Variants in SBF2 observed in about 807,000 individuals in gnomAD.
SBF2 encodes SET binding factor 2.
A neutral mutation model predicts 225.2 loss-of-function variants in SBF2; 112 were observed. The observed-to-expected ratio is 0.50, with a 90% CI of 0.43 to 0.58. SBF2 has a LOEUF of 0.58. Ranked by LOEUF, SBF2 falls within the 20% of genes least tolerant of loss-of-function variation. The probability of loss-of-function intolerance (pLI) is 0.00; values close to 1 mark genes in which losing one functional copy is unlikely to be tolerated. For synonymous variants in SBF2, 763 were observed against 773.3 expected (o/e 0.99, Z 0.22); for missense variants, 1,996 against 2,206.2 (o/e 0.90, Z 1.91).
rs1857357992 is a variant in SBF2, at chr11:9,856,842, C to T, written c.2101-122G>A. 13 of 1,010,366 alleles carry T rather than the reference C, an allele frequency of 1.3e-5. No homozygotes were observed. The Admixed American group carries it at 2.1e-4, about 16-fold the overall frequency. The allele number at this position is 1,010,366 out of a possible 1,614,324, so 62.6% of individuals were successfully genotyped here. ...TCGCTCTGTCACCCAGGCTGGAGTG[C>T]AGTGGCACGATCTTGGCTCACTGCA... is the stretch of plus-strand genomic sequence containing the variant. On this transcript the variant is annotated intron_variant, in intron 18 of 39. Transcript: ENST00000256190.
chr11:10,263,892 A>G (rs1479206326), intron 1 of SBF2, among the ~76,000 whole-genome samples: 1 of 152,254 alleles, frequency 6.6e-6, no homozygotes, highest in African/African-American at 2.4e-5. Flanking sequence ...CCCATCATTC[A>G]AGCATTATCT....
At chr11:10,090,021 A>T (rs961637581) in intron 2 of SBF2, among the ~76,000 whole-genome samples, 2 of 152,200 alleles carry the variant, frequency 1.3e-5, no homozygotes, top group Non-Finnish European at 2.9e-5. Flanking sequence ...GGAAATTCTG[A>T]TACATGCCAC....
chr11:10,242,527 CCAAT>C lies in SBF2; in HGVS notation c.56-48544_56-48541del, dbSNP rs573840343. Among the ~76,000 whole-genome samples the C allele has an allele frequency of 5.1e-4, 77 of 152,028 alleles. 1 individual carries two copies. In the South Asian group the frequency reaches 9.3e-3, roughly 18 times the overall value. ...TCAATCACGTTAAATGTAAAATTCA[CCAAT>C]CAAAGGAGGTAAAGTAATGAAAGGA... is the stretch of plus-strand genomic sequence containing the variant. On this transcript the variant is annotated intron_variant, in intron 1 of 39. Coordinates refer to ENST00000256190, the MANE Select transcript of SBF2 (RefSeq NM_030962.4).
At chr11:10,055,219 A>G (rs1481236174) in intron 2 of SBF2, among the ~76,000 whole-genome samples, 1 of 152,162 alleles carries the variant, frequency 6.6e-6, no homozygotes, top group Non-Finnish European at 1.5e-5. Flanking sequence ...CTATTATTAA[A>G]AAGTCAAAAA....
chr11:10,145,014 A>G (rs1954821800), intron 2 of SBF2, among the ~76,000 whole-genome samples: 1 of 152,228 alleles, frequency 6.6e-6, no homozygotes, highest in Admixed American at 6.5e-5. Context: ...AATCCCAAAC[A>G]TAGCTTAAAT....
intron 1 of SBF2, among the ~76,000 whole-genome samples, chr11:10,214,265 A>G (rs11042669): frequency 0.032 from 4,846 of 152,140 alleles, 289 homozygotes; most frequent in East Asian, 0.17. Flanking sequence ...ATTTCTAAAT[A>G]CGCCTTGGAG....
intron 1 of SBF2, among the ~76,000 whole-genome samples, chr11:10,232,072 T>A: frequency 6.6e-6 from 1 of 152,130 alleles, no homozygotes; most frequent in East Asian, 1.9e-4. Flanking sequence ...GTGCTAGCAA[T>A]GAGCAGGGCT....
intron 33 of SBF2, among the ~76,000 whole-genome samples, chr11:9,792,355 C>T (rs889078844): frequency 6.6e-6 from 1 of 151,470 alleles, no homozygotes; most frequent in African/African-American, 2.4e-5. Context: ...CACTTGAACC[C>T]AGGAGGTGGA....
chr11:10,195,759 C>A (rs1273944193), intron 1 of SBF2, among the ~76,000 whole-genome samples: 4 of 152,092 alleles, frequency 2.6e-5, no homozygotes, highest in African/African-American at 9.7e-5. Context: ...AAACCAAAAT[C>A]CATTTGAAAA....
rs563324570 is a variant in SBF2, at chr11:9,931,817, T to C, written c.1860+30140A>G. 7.2e-5 allele frequency among the ~76,000 whole-genome samples: 11 copies of C among 152,158 alleles called. No homozygotes were observed. The South Asian group carries it at 2.1e-3, about 29-fold the overall frequency. ...ACAGAAGTAGGCTTCAGAAGGTCAG[T>C]AATAACAAACTTCTCCAAGCTAAAG... On this transcript the variant is annotated intron_variant, in intron 16 of 39. Coordinates refer to ENST00000256190, the MANE Select transcript of SBF2 (RefSeq NM_030962.4).
intron 2 of SBF2, among the ~76,000 whole-genome samples, chr11:10,076,085 C>T (rs1299050802): frequency 6.6e-6 from 1 of 152,310 alleles, no homozygotes; most frequent in Non-Finnish European, 1.5e-5. Flanking sequence ...CATTAGGCTA[C>T]GCTGTGGATC....
chr11:10,005,795 C>A (rs953487034), intron 6 of SBF2, among the ~76,000 whole-genome samples: 8 of 152,114 alleles, frequency 5.3e-5, no homozygotes, highest in African/African-American at 1.9e-4. Flanking sequence ...AGGTGTTTAA[C>A]CCCTGTACAC....
intron 2 of SBF2, among the ~76,000 whole-genome samples, chr11:10,112,255 CTTGAATTGTAACTCCCACAA>C (rs1235506226): frequency 6.6e-6 from 1 of 152,180 alleles, no homozygotes; most frequent in Non-Finnish European, 1.5e-5. Context: ...CAAATCTCAC[CTTGAATTGTAACTCCCACAA>C]TTTCCATGTG....
intron 16 of SBF2, among the ~76,000 whole-genome samples, chr11:9,942,079 A>G (rs1028855147): frequency 9.9e-5 from 15 of 152,248 alleles, no homozygotes; most frequent in Admixed American, 6.5e-5. Flanking sequence ...AAAATCATAC[A>G]TGTATTTTTT....
At chr11:10,244,420 T>G (rs1959559670) in intron 1 of SBF2, among the ~76,000 whole-genome samples, 1 of 152,210 alleles carries the variant, frequency 6.6e-6, no homozygotes, top group Non-Finnish European at 1.5e-5. Context: ...AAAGATCAGT[T>G]GAGTATATGC....
At chr11:9,998,486 A>T in intron 8 of SBF2, 107 bp from the exon 9 acceptor site, 1 of 679,652 alleles carries the variant, frequency 1.5e-6, no homozygotes, top group Admixed American at 2.3e-5. Flanking sequence ...GATGTGGAAG[A>T]GACTCTTGTT....
rs1303811129 is a variant in SBF2, at chr11:9,897,783, T to C, written c.1861-1772A>G. ...ACATCAATTATTCCAGTGCAATTCC[T>C]CCACTTTCCAGACTAGAGAAAAGAG... On this transcript the variant is annotated intron_variant, in intron 16 of 39. Transcript: ENST00000256190. 3.3e-5 allele frequency among the ~76,000 whole-genome samples: 5 copies of C among 152,322 alleles called. No homozygotes were observed. The South Asian group carries it at 6.2e-4, about 19-fold the overall frequency.
chr11:9,833,603 A>G (rs556023079), intron 26 of SBF2, among the ~76,000 whole-genome samples: 32 of 151,650 alleles, frequency 2.1e-4, no homozygotes, highest in African/African-American at 3.4e-4. Flanking sequence ...TGTATTTTCA[A>G]TAGAGACGGG....
chr11:9,813,430 C>T lies in SBF2; in HGVS notation c.3979-722G>A, dbSNP rs567982725. Among the ~76,000 whole-genome samples the T allele has an allele frequency of 1.1e-3, 171 of 152,214 alleles. 3 individuals are homozygous for T. In the South Asian group the frequency reaches 0.033, roughly 30 times the overall value. On this transcript the variant is annotated intron_variant, in intron 29 of 39. Transcript: ENST00000256190. ...GCAACCTCCGCTTCCCAGGTTCAAGCGATTCTCCTGCCTCAGCCTCCCGAG... is the reference window on the plus strand; with the variant it reads ...GCAACCTCCGCTTCCCAGGTTCAAGTGATTCTCCTGCCTCAGCCTCCCGAG...
Sources: allele counts gnomAD v4.1 joint callset (sites outside exome capture counted in the v4.1 genomes callset), GRCh38; gene constraint gnomAD v4.1.1; transcripts MANE v1.5; gene names NCBI Gene and HGNC (gene_info 2026-07-23, HGNC 2026-07-21).